Variants in MPRIP observed in about 807,000 individuals in gnomAD.
MPRIP encodes myosin phosphatase Rho interacting protein.
MPRIP carries 59 observed loss-of-function variants against 234.9 expected under a neutral mutation model. The ratio of observed to expected loss-of-function variants is 0.25; its 90% CI spans 0.20 to 0.31. MPRIP has a LOEUF of 0.31. Ranked by LOEUF, MPRIP falls within the 10% of genes least tolerant of loss-of-function variation. The pLI is 1.00. For synonymous variants in MPRIP, 1,144 were observed against 1,263.9 expected, an observed-to-expected ratio of 0.91 and a Z score of 2.01; for missense variants, 2,436 against 3,071.0, an observed-to-expected ratio of 0.79 and a Z score of 4.89.
At position 17,167,294 on chromosome 17, in the gene MPRIP, G is replaced by A. The variant is rs983203972; in HGVS notation, c.5703G>A (p.Glu1901=). The change falls in exon 16 of 24, where the codon GAG becomes GAA. Residue 1901 remains glutamate, a synonymous_variant. Coordinates refer to ENST00000651222, the MANE Select transcript of MPRIP (RefSeq NM_001364716.4). The surrounding 1 kb of genome is among the most constrained non-coding windows in gnomAD (Gnocchi z 5.9). ...AGCTTCTCCGCAAGCAGAAGAGCGAGTACCTGGATGTGATCGCCATTGTTG... is the reference window on the plus strand; with the variant it reads ...AGCTTCTCCGCAAGCAGAAGAGCGAATACCTGGATGTGATCGCCATTGTTG... ...YEELLRKQKS[E]YLDVIAIVER... 1.5e-6 allele frequency: 2 copies of A among 1,304,076 alleles called. No individual in the cohort carries two copies. The highest frequency in any genetic ancestry group is 1.0e-6 in the Non-Finnish European group (1 of 988,964). 80.8% of individuals were successfully genotyped at this position (1,304,076 alleles called of 1,614,324 possible).
At chr17:17,180,153 TTGAAGTATGAGTGCTC>T (rs762172345) in intron 23 of MPRIP, 65 bp downstream of exon 23, 2 of 1,327,262 alleles carry the variant, frequency 1.5e-6, no homozygotes, top group Non-Finnish European at 2.1e-6. Context: ...GTAGCCCAAA[TTGAAGTATGAGTGCTC>T]CCATGGGCCA....
chr17:17,190,077 C>T lies in MPRIP; in HGVS notation c.*5183C>T, dbSNP rs1295381211. ...CTAGCCCGCTCAGCGCGAGCGTCTC[C>T]AGTAGGTAATAGCAGCTGAACGTGG... On this transcript the variant is annotated 3_prime_UTR_variant, in exon 24 of 24. Coordinates refer to ENST00000651222, the MANE Select transcript of MPRIP (RefSeq NM_001364716.4). 6.6e-6 allele frequency: 1 copy of T among 152,252 alleles called. No homozygotes were observed. Among genetic ancestry groups the T allele is most frequent in the Non-Finnish European group, 1.5e-5 (1 of 68,058 alleles). The allele number at this position is 152,252 out of a possible 1,614,324, so 9.4% of individuals were successfully genotyped here. A position where few individuals can be genotyped will look rare whatever the true frequency, so the allele number is the denominator to read the frequency against.
Position 17,143,604 on chromosome 17 carries a change from TC to T in MPRIP, c.1444del (p.Leu482CysfsTer19). ...PPAPLPDASASPLSPHRRAKS... is the reference protein window; with the variant it reads ...PPAPLPDASAXPLSPHRRAKS... ...AGCTCCTCTCCCAGACGCCTCGGCTTCCCCCCTGTCTCCACACCGAAGAGCC... is the reference window on the plus strand; with the variant it reads ...AGCTCCTCTCCCAGACGCCTCGGCTTCCCCCTGTCTCCACACCGAAGAGCC... On this transcript the variant is annotated frameshift_variant, in exon 9 of 24. Transcript: ENST00000651222. LOFTEE classifies it high-confidence loss of function. 1.2e-6 allele frequency: 2 copies of T among 1,603,568 alleles called. No individual in the cohort carries two copies. The highest frequency in any genetic ancestry group is 1.1e-5 in the South Asian group (1 of 88,772).
chr17:17,117,313 G>A (rs1306307109), intron 3 of MPRIP, among the ~76,000 whole-genome samples: 2 of 152,140 alleles, frequency 1.3e-5, no homozygotes, highest in African/African-American at 2.4e-5. Context: ...GACAGAAGGG[G>A]GTAGATTATC....
intron 4 of MPRIP, 140 bp downstream of exon 4, chr17:17,126,993 A>G (rs1216576279): frequency 2.8e-6 from 3 of 1,080,708 alleles, no homozygotes; most frequent in Non-Finnish European, 4.0e-6. Context: ...CTCTGTTCTC[A>G]ACACCGCTGT....
intron 11 of MPRIP, among the ~76,000 whole-genome samples, chr17:17,148,184 AGT>A (rs2045520188): frequency 6.6e-6 from 1 of 152,086 alleles, no homozygotes; most frequent in Non-Finnish European, 1.5e-5. Context: ...GGGGTAGGAG[AGT>A]GTGGGCGGTG....
At chr17:17,087,717 C>T (rs920910366) in intron 3 of MPRIP, among the ~76,000 whole-genome samples, 8 of 152,240 alleles carry the variant, frequency 5.3e-5, no homozygotes, top group Non-Finnish European at 8.8e-5. Flanking sequence ...TGTCTGCCTG[C>T]GTAGACAGGG....
chr17:17,052,562 T>G (rs1196365524), intron 1 of MPRIP, among the ~76,000 whole-genome samples: 1 of 152,200 alleles, frequency 6.6e-6, no homozygotes. Context: ...TCCAAAGTCC[T>G]GTTTGGCCAC....
intron 17 of MPRIP, among the ~76,000 whole-genome samples, chr17:17,172,453 A>T (rs916617746): frequency 5.3e-5 from 8 of 152,200 alleles, no homozygotes; most frequent in African/African-American, 1.9e-4. Context: ...TTCTTCTAAC[A>T]CCAAAAAAAA....
intron 3 of MPRIP, among the ~76,000 whole-genome samples, chr17:17,090,327 C>T (rs1347999915): frequency 6.6e-6 from 1 of 152,216 alleles, no homozygotes; most frequent in African/African-American, 2.4e-5. Context: ...CCCAACCCGT[C>T]CCCTGTCCTC....
chr17:17,124,931 C>A (rs2090462102), intron 3 of MPRIP, among the ~76,000 whole-genome samples: 1 of 152,148 alleles, frequency 6.6e-6, no homozygotes, highest in Non-Finnish European at 1.5e-5. Flanking sequence ...GCAGGAAGGC[C>A]CACCTGTCCT....
chr17:17,105,985 G>T (rs191722192), intron 3 of MPRIP, among the ~76,000 whole-genome samples: 41 of 152,318 alleles, frequency 2.7e-4, no homozygotes, highest in Non-Finnish European at 4.9e-4. Context: ...TGCATCCCAG[G>T]TTCAGCTTGA....
At chr17:17,151,414 C>T (rs2045599868) in intron 12 of MPRIP, among the ~76,000 whole-genome samples, 1 of 152,132 alleles carries the variant, frequency 6.6e-6, no homozygotes, top group African/African-American at 2.4e-5. Flanking sequence ...TCCTCTTAGC[C>T]CTGATGTGGG....
intron 13 of MPRIP, among the ~76,000 whole-genome samples, chr17:17,156,080 G>T (rs1454663442): frequency 2.0e-5 from 3 of 152,254 alleles, no homozygotes; most frequent in Admixed American, 6.5e-5. Context: ...CTGGCCTGAG[G>T]TCCTCTCCTG....
chr17:17,060,093 C>G (rs2088825054), intron 1 of MPRIP, among the ~76,000 whole-genome samples: 1 of 152,202 alleles, frequency 6.6e-6, no homozygotes, highest in South Asian at 2.1e-4. Context: ...CCCCCAATCT[C>G]CGCCAGCTTC....
At position 17,126,854 on chromosome 17, in the gene MPRIP, G is replaced by A. The variant is rs780931468; in HGVS notation, c.419+1G>A. The A allele has an allele frequency of 6.2e-7, 1 of 1,613,036 alleles. No homozygotes were observed. Among genetic ancestry groups the A allele is most frequent in the Non-Finnish European group, 8.5e-7 (1 of 1,179,370 alleles). ...CGGAGACCAAGGAGATCGTCAGTGG[G>A]TGAGTATGCTGGCACTGTGGAACAA... On this transcript the variant is annotated splice_donor_variant, in intron 4 of 23. Coordinates refer to ENST00000651222, the MANE Select transcript of MPRIP (RefSeq NM_001364716.4). LOFTEE classifies it high-confidence loss of function.
At chr17:17,063,259 A>C (rs2088920666) in intron 1 of MPRIP, among the ~76,000 whole-genome samples, 1 of 152,152 alleles carries the variant, frequency 6.6e-6, no homozygotes, top group South Asian at 2.1e-4. Flanking sequence ...TAATAAGTGT[A>C]CCTGTAGACT....
rs1031471854 is a variant in MPRIP, at chr17:17,140,084, A to AAT, written c.1250+1661_1250+1662dup. On this transcript the variant is annotated intron_variant, in intron 7 of 23. Coordinates refer to ENST00000651222, the MANE Select transcript of MPRIP (RefSeq NM_001364716.4). ...GGATGCTCTTTTAAGCAATTAAGAA[A>AAT]ATATATAAGTAAAGGGTTTTGCTAG... Among the ~76,000 whole-genome samples, 8 of 152,292 alleles carry AAT rather than the reference A, an allele frequency of 5.3e-5. No individual in the cohort carries two copies. In the South Asian group the frequency reaches 1.0e-3, roughly 20 times the overall value.
Position 17,166,650 on chromosome 17 carries a change from C to G in MPRIP, c.5059C>G (p.Leu1687Val). The G allele has an allele frequency of 7.7e-7, 1 of 1,304,010 alleles. No individual in the cohort carries two copies. Among genetic ancestry groups the G allele is most frequent in the East Asian group, 5.5e-5 (1 of 18,038 alleles). 80.8% of individuals were successfully genotyped at this position (1,304,010 alleles called of 1,614,324 possible). Residue 1687 changes from leucine to valine, a missense_variant, in exon 16 of 24, where the codon CTA (leucine) becomes GTA (valine). Around this residue, in one of 4 missense-constraint regions of MPRIP, gnomAD observed 1,998 missense variants for 2,520.3 expected, o/e 0.79. Coordinates refer to ENST00000651222, the MANE Select transcript of MPRIP (RefSeq NM_001364716.4). This position sits in a 1 kb window ranked among gnomAD's most constrained non-coding sequence, Gnocchi z 4.4. ...QSVRESFHRR[L>V]QSIQETLRGT... ...AGTGAGGGAGTCGTTCCACCGCAGG[C>G]TACAGAGCATCCAGGAGACCCTGCG...
Sources: gnomAD v4.1 joint callset for allele counts (sites outside exome capture counted in the v4.1 genomes callset) on GRCh38, gnomAD v4.1.1 for gene constraint, gnomAD v4.1.1 regional missense constraint, Gnocchi (gnomAD v3.1) non-coding constraint, MANE v1.5 for transcripts, NCBI Gene and HGNC (gene_info 2026-07-23, HGNC 2026-07-21) for gene names.